UNC5C: variants seen among roughly 807,000 people sequenced by gnomAD.
UNC5C encodes the protein unc-5 netrin receptor C, also known as netrin receptor UNC5C.
Under a neutral mutation model 99.8 loss-of-function variants are expected in UNC5C, and 47 were observed. The observed-to-expected ratio is 0.47, with a 90% confidence interval of 0.37 to 0.60. UNC5C has a LOEUF of 0.60. UNC5C is among the 20% of genes least tolerant of loss of function. The pLI, the probability that UNC5C is intolerant of heterozygous loss-of-function variation, is 0.00. For synonymous variants in UNC5C, 487 were observed against 452.2 expected (o/e 1.08, Z -0.98); for missense variants, 1,062 against 1,165.9 (o/e 0.91, Z 1.30).
chr4:95,306,071 C>T (rs752213327), intron 2 of UNC5C, among the ~76,000 whole-genome samples: 1 of 152,098 alleles, frequency 6.6e-6, no homozygotes, highest in Non-Finnish European at 1.5e-5. Flanking sequence ...AAAATGTAAT[C>T]TACAGTGCTA....
chr4:95,362,335 A>T (rs532050474), intron 1 of UNC5C, among the ~76,000 whole-genome samples: 2 of 152,254 alleles, frequency 1.3e-5, no homozygotes, highest in Admixed American at 1.3e-4. Flanking sequence ...TTACAATGAA[A>T]TCTGGGATTT....
At chr4:95,205,472 C>A (rs1282733467) in intron 11 of UNC5C, among the ~76,000 whole-genome samples, 1 of 151,978 alleles carries the variant, frequency 6.6e-6, no homozygotes, top group South Asian at 2.1e-4. Context: ...GAAGGAAATC[C>A]CAGTGAATCC....
At chr4:95,386,545 G>A (rs1199797439) in intron 1 of UNC5C, among the ~76,000 whole-genome samples, 1 of 152,136 alleles carries the variant, frequency 6.6e-6, no homozygotes, top group African/African-American at 2.4e-5. Context: ...GTAAAGTTAA[G>A]ACATGAATGG....
chr4:95,436,513 ATGGT>A (rs1746795665), intron 1 of UNC5C, among the ~76,000 whole-genome samples: 1 of 151,996 alleles, frequency 6.6e-6, no homozygotes, highest in African/African-American at 2.4e-5. Flanking sequence ...CTATGGATGG[ATGGT>A]CTAATCCTTG....
intron 5 of UNC5C, among the ~76,000 whole-genome samples, chr4:95,250,088 C>T (rs1307194767): frequency 1.3e-5 from 2 of 152,072 alleles, no homozygotes; most frequent in East Asian, 3.9e-4. Context: ...AGGTAGGCTT[C>T]CTTCGCTTTC....
chr4:95,272,572 T>C (rs148468466), intron 4 of UNC5C, among the ~76,000 whole-genome samples: 2 of 152,300 alleles, frequency 1.3e-5, no homozygotes, highest in African/African-American at 2.4e-5. Flanking sequence ...AAGTATGGGA[T>C]GATCATAATA....
intron 1 of UNC5C, among the ~76,000 whole-genome samples, chr4:95,520,013 T>C (rs1392217327): frequency 6.6e-6 from 1 of 152,192 alleles, no homozygotes; most frequent in Non-Finnish European, 1.5e-5. Context: ...GATGGATTCT[T>C]ATGCTTTCCG....
chr4:95,324,704 T>C (rs529419084), intron 2 of UNC5C, among the ~76,000 whole-genome samples: 98 of 152,244 alleles, frequency 6.4e-4, no homozygotes, highest in African/African-American at 2.2e-3. Flanking sequence ...GCAATTGTCA[T>C]GAAGAATGAG....
At chr4:95,448,088 C>A (rs1747158784) in intron 1 of UNC5C, among the ~76,000 whole-genome samples, 1 of 152,086 alleles carries the variant, frequency 6.6e-6, no homozygotes, top group Non-Finnish European at 1.5e-5. Context: ...CCACCATTTT[C>A]TCTCAGCTCC....
intron 5 of UNC5C, among the ~76,000 whole-genome samples, chr4:95,246,444 C>G (rs1739505613): frequency 6.6e-6 from 1 of 151,666 alleles, no homozygotes; most frequent in East Asian, 1.9e-4. Flanking sequence ...GTATATAGAC[C>G]CAGTTACTCA....
intron 12 of UNC5C, among the ~76,000 whole-genome samples, chr4:95,187,119 T>C (rs1736862856): frequency 1.3e-5 from 2 of 152,182 alleles, no homozygotes; most frequent in South Asian, 4.1e-4. Context: ...ATGTTTGGTG[T>C]CTAGTTAGCA....
intron 1 of UNC5C, among the ~76,000 whole-genome samples, chr4:95,392,454 A>G (rs1745391276): frequency 6.9e-6 from 1 of 144,244 alleles, no homozygotes; most frequent in African/African-American, 2.6e-5. Context: ...TAAAAAAAAA[A>G]CAGGTTTCAC....
intron 1 of UNC5C, among the ~76,000 whole-genome samples, chr4:95,435,864 A>G (rs756009091): frequency 6.6e-6 from 1 of 152,024 alleles, no homozygotes; most frequent in Non-Finnish European, 1.5e-5. Flanking sequence ...TTAGGCTTCT[A>G]TATTTGTGTG....
At chr4:95,438,963 G>A (rs961121202) in intron 1 of UNC5C, among the ~76,000 whole-genome samples, 3 of 152,098 alleles carry the variant, frequency 2.0e-5, no homozygotes, top group Non-Finnish European at 2.9e-5. Context: ...ATAGGACGAG[G>A]TCTTCCCTAA....
In UNC5C at chr4:95,202,963, T is replaced by A. The variant is rs1169344969; in HGVS notation, c.1904A>T (p.Asp635Val). Residue 635 changes from aspartate to valine, a missense_variant and splice_region_variant, in exon 12 of 16, where the codon GAT becomes GTT. Asp to Val is a radical substitution (Grantham distance 152). This residue lies in a region of UNC5C where 810 missense variants were observed against 854.5 expected (regional missense o/e 0.95). Transcript: ENST00000453304. ...KNQAAQGQWE[D>V]VVVVGEENFT... ...GTTTTCCTCCCCGACCACCACCACA[T>A]CCTGGGGGACAAGAGGGAAGGGCCA... 2 of 1,613,878 alleles carry A rather than the reference T, an allele frequency of 1.2e-6. No homozygotes were observed. Among genetic ancestry groups the A allele is most frequent in the Non-Finnish European group, 1.7e-6 (2 of 1,180,004 alleles).
intron 11 of UNC5C, among the ~76,000 whole-genome samples, chr4:95,204,666 CAA>C (rs750366820): frequency 1.3e-5 from 2 of 152,232 alleles, no homozygotes; most frequent in Non-Finnish European, 2.9e-5. Context: ...CTGTCAGAGA[CAA>C]GAGTCAGTCA....
At chr4:95,442,614 C>T (rs919452905) in intron 1 of UNC5C, among the ~76,000 whole-genome samples, 1 of 152,044 alleles carries the variant, frequency 6.6e-6, no homozygotes, top group South Asian at 2.1e-4. Context: ...TACAGGCACA[C>T]TTATCATTTT....
intron 1 of UNC5C, among the ~76,000 whole-genome samples, chr4:95,393,462 GC>G (rs1745417994): frequency 6.6e-6 from 1 of 152,144 alleles, no homozygotes; most frequent in African/African-American, 2.4e-5. Flanking sequence ...TGTGTGATAA[GC>G]CCACTGGACA....
intron 1 of UNC5C, among the ~76,000 whole-genome samples, chr4:95,403,480 A>G (rs942600723): frequency 6.6e-6 from 1 of 152,242 alleles, no homozygotes; most frequent in Admixed American, 6.5e-5. Flanking sequence ...GGAAGTCAAT[A>G]GTACTCAATA....
Sources: gnomAD v4.1 joint callset for allele counts (sites outside exome capture counted in the v4.1 genomes callset) on GRCh38, gnomAD v4.1.1 for gene constraint, gnomAD v4.1.1 regional missense constraint, MANE v1.5 for transcripts, NCBI Gene and HGNC (gene_info 2026-07-23, HGNC 2026-07-21) for gene names.